TAB2: variants seen among roughly 807,000 people sequenced by gnomAD.
TAB2 encodes TGF-beta activated kinase 1 (MAP3K7) binding protein 2, also known as TGF-beta-activated kinase 1 and MAP3K7-binding protein 2.
A neutral mutation model predicts 65.0 loss-of-function variants in TAB2; 3 were observed. The ratio of observed to expected loss-of-function variants is 0.05; its 90% confidence interval spans 0.02 to 0.12. The LOEUF is 0.12. Among genes scored for constraint, TAB2 ranks in the 10% least tolerant of loss-of-function variants. The probability of loss-of-function intolerance (pLI) is 1.00; values close to 1 mark genes in which losing one functional copy is unlikely to be tolerated. For synonymous variants in TAB2, 298 were observed against 285.1 expected (o/e 1.05, Z -0.46); for missense variants, 623 against 840.3 (o/e 0.74, Z 3.20).
intron 5 of TAB2, 128 bp downstream of exon 5, chr6:149,398,190 G>T (rs1782240576): frequency 1.3e-6 from 1 of 777,272 alleles, no homozygotes; most frequent in African/African-American, 1.7e-5. Context: ...GAGCCAGACA[G>T]ACTTTTAAGA....
At chr6:149,403,345 C>T (rs928279286) in intron 6 of TAB2, among the ~76,000 whole-genome samples, 277 of 27,346 alleles carry the variant, frequency 0.01, 13 homozygotes, top group African/African-American at 0.072. Context: ...TATATACACA[C>T]ACACACACAC....
At chr6:149,277,625 T>G (rs992213665) in intron 1 of TAB2, among the ~76,000 whole-genome samples, 5 of 152,192 alleles carry the variant, frequency 3.3e-5, no homozygotes, top group Non-Finnish European at 7.4e-5. Context: ...TTTTTATACC[T>G]TTTGATATTA....
intron 1 of TAB2, among the ~76,000 whole-genome samples, chr6:149,265,635 G>C (rs2114671277): frequency 6.6e-6 from 1 of 152,282 alleles, no homozygotes; most frequent in Non-Finnish European, 1.5e-5. Flanking sequence ...TTTATGAAAA[G>C]TAGAATAAAG....
chr6:149,284,825 T>A (rs904169608), intron 1 of TAB2, among the ~76,000 whole-genome samples: 3 of 152,190 alleles, frequency 2.0e-5, no homozygotes, highest in African/African-American at 7.2e-5. Flanking sequence ...TTTAAGCCTT[T>A]ATTTTTTTAA....
At chr6:149,359,549 T>C (rs1317974101) in intron 1 of TAB2, among the ~76,000 whole-genome samples, 4 of 152,200 alleles carry the variant, frequency 2.6e-5, no homozygotes, top group Non-Finnish European at 5.9e-5. Context: ...GAATCTCTGC[T>C]TTATGCAACT....
chr6:149,302,217 T>C (rs932668628), intron 1 of TAB2, among the ~76,000 whole-genome samples: 5 of 152,198 alleles, frequency 3.3e-5, no homozygotes, highest in African/African-American at 1.2e-4. Flanking sequence ...TATACAAATA[T>C]ATAAGCATAT....
chr6:149,284,941 A>C (rs1778643460), intron 1 of TAB2, among the ~76,000 whole-genome samples: 1 of 152,172 alleles, frequency 6.6e-6, no homozygotes, highest in Non-Finnish European at 1.5e-5. Flanking sequence ...CCACAGAGCC[A>C]GCAGCCTCGA....
chr6:149,253,774 T>C (rs2114657871), intron 1 of TAB2, among the ~76,000 whole-genome samples: 2 of 150,502 alleles, frequency 1.3e-5, no homozygotes, highest in Non-Finnish European at 3.0e-5. Flanking sequence ...ATACAAAAAT[T>C]AGCTGGGCTT....
At chr6:149,317,286 C>A (rs1583081738), upstream of TAB2, among the ~76,000 whole-genome samples, 1 of 152,166 alleles carries the variant, frequency 6.6e-6, no homozygotes, top group East Asian at 1.9e-4. The surrounding 1 kb of genome is among the most constrained non-coding windows in gnomAD (Gnocchi z 4.7). Context: ...CTGCCCGCAC[C>A]GGCACCCCCC....
chr6:149,239,566 A>G (rs560350082), intron 1 of TAB2, among the ~76,000 whole-genome samples: 7 of 152,236 alleles, frequency 4.6e-5, no homozygotes, highest in Non-Finnish European at 1.0e-4. Flanking sequence ...ATTTCACTTC[A>G]GTTTAGTGAG....
At chr6:149,230,935 G>A (rs1311378711) in intron 1 of TAB2, among the ~76,000 whole-genome samples, 1 of 152,226 alleles carries the variant, frequency 6.6e-6, no homozygotes, top group African/African-American at 2.4e-5. Flanking sequence ...CATGTTTTGT[G>A]CATTCACAGT....
rs1165555992 is a variant in TAB2 at position 149,410,362 on chromosome 6, A to T, written c.*643A>T. 2.0e-5 allele frequency: 3 copies of T among 153,466 alleles called. No individual in the cohort carries two copies. Among genetic ancestry groups the T allele is most frequent in the African/African-American group, 7.2e-5 (3 of 41,422 alleles). The allele number at this position is 153,466 out of a possible 1,614,324, so 9.5% of individuals were successfully genotyped here. A position where few individuals can be genotyped will look rare whatever the true frequency, so the allele number is the denominator to read the frequency against. ...CCCCAAAGCTTTTCCTACTGTACAG[A>T]TCTCTCGAGTCTGCTTTAAGTGATT... On this transcript the variant is annotated 3_prime_UTR_variant, in exon 7 of 7. Coordinates refer to ENST00000637181, the MANE Select transcript of TAB2 (RefSeq NM_001292034.3).
At chr6:149,256,901 G>C (rs1047221632) in intron 1 of TAB2, among the ~76,000 whole-genome samples, 1 of 152,178 alleles carries the variant, frequency 6.6e-6, no homozygotes, top group African/African-American at 2.4e-5. Flanking sequence ...GAGGTCAAAA[G>C]CTCCTAAAGG....
Position 149,379,249 on chromosome 6 carries a change from A to G in TAB2, c.1334A>G (p.Asn445Ser), listed in dbSNP as rs776546116. Reference sequence around the variant, plus strand: ...CCTCCCAAAAGTCGAGCAATAGGCAATAACTCTGCAACCTCTCCTCGAGTG... The same window carrying G: ...CCTCCCAAAAGTCGAGCAATAGGCAGTAACTCTGCAACCTCTCCTCGAGTG... ...HHPPKSRAIG[N>S]NSATSPRVVV... is the part of the protein sequence containing the mutation. The change falls in exon 3 of 7, where the codon AAT becomes AGT. Residue 445 changes from asparagine to serine, a missense_variant. By Grantham distance (46) the Asn-to-Ser change is conservative (BLOSUM62 1). This residue lies in a region of TAB2 where 550 missense variants were observed against 665.7 expected (regional missense o/e 0.83). Coordinates refer to ENST00000637181, the MANE Select transcript of TAB2 (RefSeq NM_001292034.3). 8 of 1,614,110 alleles carry G rather than the reference A, an allele frequency of 5.0e-6. No individual in the cohort carries two copies. Among genetic ancestry groups the G allele is most frequent in the East Asian group, 4.5e-5 (2 of 44,902 alleles).
At chr6:149,359,003 CT>C (rs1181414571) in intron 1 of TAB2, among the ~76,000 whole-genome samples, 1 of 151,990 alleles carries the variant, frequency 6.6e-6, no homozygotes, top group East Asian at 1.9e-4. Context: ...TGCCTTTTCA[CT>C]TTATATCTTA....
intron 1 of TAB2, among the ~76,000 whole-genome samples, chr6:149,359,764 A>C (rs1172370698): frequency 6.6e-6 from 1 of 152,162 alleles, no homozygotes; most frequent in Non-Finnish European, 1.5e-5. Flanking sequence ...TTCTGGCACC[A>C]GGGAATTTTT....
At chr6:149,330,234 G>A (rs1779742731) in intron 1 of TAB2, among the ~76,000 whole-genome samples, 1 of 152,066 alleles carries the variant, frequency 6.6e-6, no homozygotes, top group Admixed American at 6.5e-5. Flanking sequence ...CCAACTTTGG[G>A]TTGTAAAAAT....
At chr6:149,393,229 T>C (rs1353024659) in intron 3 of TAB2, among the ~76,000 whole-genome samples, 1 of 152,206 alleles carries the variant, frequency 6.6e-6, no homozygotes, top group Admixed American at 6.5e-5. Flanking sequence ...TTCTAAGTAA[T>C]ATAGTCATTA....
At chr6:149,268,806 CAT>C (rs1778310213) in intron 1 of TAB2, among the ~76,000 whole-genome samples, 1 of 152,218 alleles carries the variant, frequency 6.6e-6, no homozygotes, top group Non-Finnish European at 1.5e-5. Flanking sequence ...AACATGTGAA[CAT>C]ATACTGCTTG....
Sources: gnomAD v4.1 joint callset for allele counts (sites outside exome capture counted in the v4.1 genomes callset) on GRCh38, gnomAD v4.1.1 for gene constraint, gnomAD v4.1.1 regional missense constraint, Gnocchi (gnomAD v3.1) non-coding constraint, MANE v1.5 for transcripts, NCBI Gene and HGNC (gene_info 2026-07-23, HGNC 2026-07-21) for gene names.